STAB1: variants seen among roughly 807,000 people sequenced by gnomAD.
The protein encoded by STAB1 is stabilin 1.
In STAB1, 250 loss-of-function variants were observed where a neutral mutation model predicts 332.4. The observed-to-expected ratio is 0.75, with a 90% CI of 0.68 to 0.84. The LOEUF is 0.84. STAB1 is among the 40% of genes least tolerant of loss of function. The pLI is 0.00. For synonymous variants in STAB1, 1,475 were observed against 1,390.4 expected, an observed-to-expected ratio of 1.06 and a Z score of -1.35; for missense variants, 3,249 against 3,489.7, an observed-to-expected ratio of 0.93 and a Z score of 1.74.
At chr3:52,501,414 C>T in intron 2 of STAB1, 112 bp downstream of exon 2, 4 of 1,491,928 alleles carry the variant, frequency 2.7e-6, no homozygotes, top group Middle Eastern at 2.2e-4. Flanking sequence ...TTATCCATGC[C>T]CCTGTGGCCC....
Position 52,518,791 on chromosome 3 carries a change from G to A in STAB1, c.4956G>A (p.Arg1652=). 3 of 1,612,040 alleles carry A rather than the reference G, an allele frequency of 1.9e-6. No homozygotes were observed. Among genetic ancestry groups the A allele is most frequent in the Non-Finnish European group, 2.5e-6 (3 of 1,179,774 alleles). The part of the protein sequence containing the change: ...VFRYHVVGCR[R]LRSEDLLEQG... ...GCTACCACGTGGTTGGCTGTCGGCG[G>A]CTGCGGAGCGAGGACCTGCTGGAGC... Residue 1652 remains arginine, a synonymous_variant, in exon 48 of 69, where the codon CGG becomes CGA. Transcript: ENST00000321725.
At chr3:52,510,575 C>G (rs970536172) in intron 25 of STAB1, 68 bp downstream of exon 25, 1 of 1,543,762 alleles carries the variant, frequency 6.5e-7, no homozygotes, top group Non-Finnish European at 8.7e-7. Context: ...CCATCTGACT[C>G]CTGGAATGCA....
intron 1 of STAB1, among the ~76,000 whole-genome samples, chr3:52,496,168 G>A (rs372712140): frequency 1.3e-4 from 20 of 152,310 alleles, no homozygotes; most frequent in East Asian, 9.7e-4. Context: ...ATGGCCATCC[G>A]TGTGTGCTGG....
Position 52,510,557 on chromosome 3 carries a change from T to C in STAB1, c.2787+50T>C, listed in dbSNP as rs763552305. 11 of 1,575,444 alleles carry C rather than the reference T, an allele frequency of 7.0e-6. No homozygotes were observed. In the East Asian group the frequency reaches 9.0e-5, roughly 13 times the overall value. Reference sequence around the variant, plus strand: ...GGGGCCTTGGTTCTGGGGGACTCTCTCCCTGCCCCATCTGACTCCTGGAAT... The same window carrying C: ...GGGGCCTTGGTTCTGGGGGACTCTCCCCCTGCCCCATCTGACTCCTGGAAT... On this transcript the variant is annotated intron_variant, in intron 25 of 68. Coordinates refer to ENST00000321725, the MANE Select transcript of STAB1 (RefSeq NM_015136.3).
chr3:52,508,439 T>A, intron 21 of STAB1, 80 bp downstream of exon 21: 1 of 1,414,262 alleles, frequency 7.1e-7, no homozygotes, highest in Non-Finnish European at 9.8e-7. Flanking sequence ...TGGCTGTGTG[T>A]CTGGGCCAAG....
Position 52,518,621 on chromosome 3 carries a change from G to A in STAB1, c.4887+8G>A. 1 of 1,608,600 alleles carries A rather than the reference G, an allele frequency of 6.2e-7. No homozygotes were observed. Among genetic ancestry groups the A allele is most frequent in the South Asian group, 1.1e-5 (1 of 90,320 alleles). ...ATGAGCAACCTGTCGCAGGTATGCA[G>A]CCCCCAGAGCGAGGCTGGGCAGGGC... On this transcript the variant is annotated splice_region_variant and intron_variant, in intron 47 of 68. Coordinates refer to ENST00000321725, the MANE Select transcript of STAB1 (RefSeq NM_015136.3).
Position 52,522,945 on chromosome 3 carries a change from G to A in STAB1, c.6910+5G>A, listed in dbSNP as rs1326652232. ...CCTACTGCTTCCGTGTGCAAGGTGTGTCCACCCGACCAAACCCTACTTCCC... is the reference window on the plus strand; with the variant it reads ...CCTACTGCTTCCGTGTGCAAGGTGTATCCACCCGACCAAACCCTACTTCCC... On this transcript the variant is annotated splice_donor_5th_base_variant and intron_variant, in intron 62 of 68. Coordinates refer to ENST00000321725, the MANE Select transcript of STAB1 (RefSeq NM_015136.3). 8.7e-6 allele frequency: 14 copies of A among 1,611,342 alleles called. No individual in the cohort carries two copies. The highest frequency in any genetic ancestry group is 1.1e-5 in the South Asian group (1 of 91,064).
At position 52,503,070 on chromosome 3, in the gene STAB1, T is replaced by A. The variant is rs140603553; in HGVS notation, c.655T>A (p.Cys219Ser). ...QCSAEAPSCRCLPGYTQQGSE... is the reference protein window; with the variant it reads ...QCSAEAPSCRSLPGYTQQGSE... Reference sequence around the variant, plus strand: ...CTCCGCAGAGGCTCCCAGCTGCAGGTGCCTGCCCGGCTACACACAGCAGGG... The same window carrying A: ...CTCCGCAGAGGCTCCCAGCTGCAGGAGCCTGCCCGGCTACACACAGCAGGG... Residue 219 changes from cysteine (C) to serine (S), a missense_variant, in exon 7 of 69, where the codon TGC (cysteine) becomes AGC (serine). Physicochemically the swap from Cys to Ser is moderately radical, Grantham distance 112. Transcript: ENST00000321725. The A allele has an allele frequency of 1.6e-5, 25 of 1,601,656 alleles. No homozygotes were observed. Among genetic ancestry groups the A allele is most frequent in the African/African-American group, 2.7e-5 (2 of 74,748 alleles).
intron 26 of STAB1, 140 bp from the exon 27 acceptor site, chr3:52,512,201 G>A (rs984053802): frequency 2.0e-5 from 16 of 804,632 alleles, no homozygotes; most frequent in Non-Finnish European, 3.4e-5. Context: ...CCGAAGGAGT[G>A]CCACCAACAC....
intron 63 of STAB1, 42 bp downstream of exon 63, chr3:52,523,176 C>T: frequency 6.2e-7 from 1 of 1,611,804 alleles, no homozygotes; most frequent in Non-Finnish European, 8.5e-7. Context: ...TGCTGGGATC[C>T]CCGAGGAGGG....
chr3:52,514,611 G>GC, intron 34 of STAB1, 90 bp from the exon 35 acceptor site: 5 of 1,585,750 alleles, frequency 3.2e-6, no homozygotes, highest in East Asian at 2.2e-5. Context: ...GCTCCAGGGA[G>GC]CCCCCCGGCC....
chr3:52,506,619 G>A, intron 17 of STAB1, 73 bp from the exon 18 acceptor site: 1 of 1,477,458 alleles, frequency 6.8e-7, no homozygotes, highest in Non-Finnish European at 9.1e-7. Flanking sequence ...TGGGCTGCAG[G>A]GGTGGAGGTG....
chr3:52,506,655 C>A, intron 17 of STAB1, 37 bp from the exon 18 acceptor site: 1 of 1,574,738 alleles, frequency 6.4e-7, no homozygotes, highest in Non-Finnish European at 8.6e-7. Context: ...CCAAGGCCAG[C>A]CAGGCTGGGG....
rs1390461084 is a variant in STAB1, at chr3:52,520,253, G to T, written c.5462G>T (p.Gly1821Val). ...PNLGPLRTMH[G>V]TPISFSCSRT... is the part of the protein sequence containing the mutation. ...CTGGGCCCACTTCGAACCATGCATG[G>T]GACCCCCATCTCTTTCTCCTGCAGC... Residue 1821 changes from glycine to valine, a missense_variant, in exon 52 of 69, where the codon GGG becomes GTG. Gly to Val is a moderately radical substitution (Grantham distance 109). Coordinates refer to ENST00000321725, the MANE Select transcript of STAB1 (RefSeq NM_015136.3). 1.9e-6 allele frequency: 3 copies of T among 1,613,048 alleles called. No individual in the cohort carries two copies. In the African/African-American group the frequency reaches 4.0e-5, roughly 22 times the overall value.
Position 52,508,318 on chromosome 3 carries a change from T to C in STAB1, c.2194T>C (p.Cys732Arg). The stretch of plus-strand genomic sequence containing the variant: ...TTTTTTCGGGCCTGACTGCACGCAG[T>C]GTCCTGGGGGCTTCTCCAACCCCTG... ...KGFFGPDCTQ[C>R]PGGFSNPCYG... is the part of the protein sequence containing the mutation. The change falls in exon 21 of 69, where the codon TGT (cysteine) becomes CGT (arginine). Residue 732 changes from cysteine (C) to arginine (R), a missense_variant. Transcript: ENST00000321725. 6.2e-7 allele frequency: 1 copy of C among 1,613,934 alleles called. No individual in the cohort carries two copies.
intron 22 of STAB1, 191 bp downstream of exon 22, chr3:52,509,512 G>A (rs762079125): frequency 8.7e-5 from 52 of 596,322 alleles, no homozygotes; most frequent in Non-Finnish European, 1.4e-4. Flanking sequence ...GAGGAGGGAC[G>A]AAGGCCAAGG....
intron 1 of STAB1, among the ~76,000 whole-genome samples, chr3:52,499,501 G>C (rs928677830): frequency 2.6e-5 from 4 of 152,194 alleles, no homozygotes; most frequent in African/African-American, 9.7e-5. Flanking sequence ...CATTTCCACT[G>C]TCCCTGCCTT....
rs1259969639 is a variant in STAB1 at position 52,520,877 on chromosome 3, G to A, written c.5780G>A (p.Arg1927His). The part of the protein sequence containing the change: ...TSPPLHSLGL[R>H]SVWVHPSLWG... ...CCTCCGCTGCACTCTTTGGGATTAC[G>A]CAGCGTCTGGGTCCACCCCAGCCTT... is the stretch of plus-strand genomic sequence containing the variant. Residue 1927 changes from arginine (R) to histidine (H), a missense_variant, in exon 55 of 69, where the codon CGC (arginine) becomes CAC (histidine). Physicochemically the swap from Arg to His is conservative, Grantham distance 29 (BLOSUM62 0). Transcript: ENST00000321725. 5 of 1,612,290 alleles carry A rather than the reference G, an allele frequency of 3.1e-6. No homozygotes were observed. The highest frequency in any genetic ancestry group is 2.7e-5 in the African/African-American group (2 of 74,948).
In STAB1 at chr3:52,510,211, G is replaced by A. The variant is rs368046711; in HGVS notation, c.2604G>A (p.Pro868=). The A allele has an allele frequency of 1.1e-4, 176 of 1,613,842 alleles. No individual in the cohort carries two copies. Among genetic ancestry groups the A allele is most frequent in the Non-Finnish European group, 1.4e-4 (166 of 1,180,026 alleles). Reference sequence around the variant, plus strand: ...CACCTAGCAACCCCTGCTCCCACCCGGACCGTGGAGGCTGCTCAGAGAATG... The same window carrying A: ...CACCTAGCAACCCCTGCTCCCACCCAGACCGTGGAGGCTGCTCAGAGAATG... The part of the protein sequence containing the change: ...SCTPSNPCSH[P]DRGGCSENAE... The change falls in exon 24 of 69, where the codon CCG becomes CCA. Residue 868 remains proline, a synonymous_variant. Coordinates refer to ENST00000321725, the MANE Select transcript of STAB1 (RefSeq NM_015136.3).
Sources: allele counts gnomAD v4.1 joint callset (sites outside exome capture counted in the v4.1 genomes callset), GRCh38; gene constraint gnomAD v4.1.1; transcripts MANE v1.5; gene names NCBI Gene and HGNC (gene_info 2026-07-23, HGNC 2026-07-21).